Variants in CCDC146 observed in about 807,000 individuals in gnomAD.
The protein encoded by CCDC146 is coiled-coil domain containing 146, also known as coiled-coil domain-containing protein 146.
In CCDC146, 92 loss-of-function variants were observed where a neutral mutation model predicts 119.3. The observed-to-expected ratio is 0.77, with a 90% CI of 0.65 to 0.92. The LOEUF (loss-of-function observed/expected upper bound fraction) is 0.92, where lower values mean the gene tolerates loss of function less well. Ranked by LOEUF, CCDC146 falls within the 40% of genes least tolerant of loss-of-function variation. The probability of loss-of-function intolerance (pLI) is 0.00; values close to 1 mark genes in which losing one functional copy is unlikely to be tolerated. For synonymous variants in CCDC146, 372 were observed against 371.8 expected (o/e 1.00, Z -0.01); for missense variants, 1,000 against 1,103.0 (o/e 0.91, Z 1.32).
chr7:77,163,844 T>C (rs545198999), intron 1 of CCDC146, among the ~76,000 whole-genome samples: 3 of 142,152 alleles, frequency 2.1e-5, no homozygotes, highest in Non-Finnish European at 4.5e-5. Context: ...TTTTTCTTTC[T>C]TTCTTTCTTT....
chr7:77,266,709 T>C, intron 9 of CCDC146, among the ~76,000 whole-genome samples: 1 of 125,920 alleles, frequency 7.9e-6, no homozygotes, highest in East Asian at 5.9e-4. Flanking sequence ...ATTACCTAAA[T>C]GACTGCAGCT....
chr7:77,192,978 T>A (rs1791799104), intron 2 of CCDC146, among the ~76,000 whole-genome samples: 1 of 151,946 alleles, frequency 6.6e-6, no homozygotes, highest in Admixed American at 6.6e-5. Context: ...TGTTGAAAGT[T>A]TTTTAAGCAG....
At chr7:77,199,148 G>A in intron 2 of CCDC146, 2 of 1,568,702 alleles carry the variant, frequency 1.3e-6, no homozygotes, top group Non-Finnish European at 1.7e-6. Flanking sequence ...TAACATTTAT[G>A]AACATATGAT....
chr7:77,211,575 AG>A (rs965658213), intron 2 of CCDC146, among the ~76,000 whole-genome samples: 18 of 151,788 alleles, frequency 1.2e-4, no homozygotes, highest in African/African-American at 4.4e-4. Flanking sequence ...GCTTTGTTAC[AG>A]GGTTTGTGCT....
At chr7:77,169,796 G>A (rs1791393428) in intron 2 of CCDC146, among the ~76,000 whole-genome samples, 1 of 151,822 alleles carries the variant, frequency 6.6e-6, no homozygotes, top group African/African-American at 2.4e-5. Flanking sequence ...TTTTGCTCCA[G>A]CCCTAGAATC....
At chr7:77,233,500 G>A (rs116326787) in intron 2 of CCDC146, among the ~76,000 whole-genome samples, 1,935 of 82,930 alleles carry the variant, frequency 0.023, 44 homozygotes, top group African/African-American at 0.093. Context: ...TTACTTATTT[G>A]CTTTAAATCA....
At chr7:77,257,398 T>C (rs1793201513) in intron 6 of CCDC146, 1 of 152,166 alleles carries the variant, frequency 6.6e-6, no homozygotes, top group South Asian at 2.1e-4. Flanking sequence ...ATAATGGTGA[T>C]ACACTTTGAC....
At chr7:77,146,070 A>T (rs934257997) in intron 1 of CCDC146, among the ~76,000 whole-genome samples, 1 of 150,786 alleles carries the variant, frequency 6.6e-6, no homozygotes, top group African/African-American at 2.5e-5. Context: ...TTTGTAGGTC[A>T]CTCAGGACTT....
chr7:77,230,656 T>G (rs554446363), intron 2 of CCDC146, among the ~76,000 whole-genome samples: 1 of 152,164 alleles, frequency 6.6e-6, no homozygotes, highest in Non-Finnish European at 1.5e-5. Flanking sequence ...GCTTTGGAGA[T>G]TTATCTTTAT....
chr7:77,294,524 T>A, intron 18 of CCDC146, 139 bp from the exon 19 acceptor site: 19 of 542,444 alleles, frequency 3.5e-5, no homozygotes, highest in East Asian at 1.1e-4. Flanking sequence ...TCTACCCTCC[T>A]ACCCCTCCCA....
intron 17 of CCDC146, among the ~76,000 whole-genome samples, chr7:77,287,978 A>G (rs2150554615): frequency 6.6e-6 from 1 of 152,328 alleles, no homozygotes; most frequent in East Asian, 1.9e-4. Flanking sequence ...AGAAATTGAA[A>G]GGGACTGATA....
At chr7:77,232,659 A>C (rs530653772) in intron 2 of CCDC146, among the ~76,000 whole-genome samples, 1 of 152,270 alleles carries the variant, frequency 6.6e-6, no homozygotes, top group Admixed American at 6.5e-5. Context: ...GGAGCTGGGG[A>C]TATGGGGAAC....
chr7:77,265,384 T>C (rs1215088039), intron 9 of CCDC146, among the ~76,000 whole-genome samples: 1 of 152,200 alleles, frequency 6.6e-6, no homozygotes, highest in Non-Finnish European at 1.5e-5. Context: ...GTAGTTATGG[T>C]AGTAAGTAAA....
At chr7:77,188,067 G>C (rs562713011) in intron 2 of CCDC146, among the ~76,000 whole-genome samples, 1 of 152,256 alleles carries the variant, frequency 6.6e-6, no homozygotes, top group East Asian at 1.9e-4. Context: ...CCTCGCTTCC[G>C]ATTCCTGTAC....
intron 2 of CCDC146, among the ~76,000 whole-genome samples, chr7:77,187,923 C>A (rs1011091983): frequency 6.6e-6 from 1 of 152,174 alleles, no homozygotes; most frequent in African/African-American, 2.4e-5. Context: ...ATAGCATAGA[C>A]CCGTAACAAT....
At chr7:77,208,470 T>C (rs1792120061) in intron 2 of CCDC146, among the ~76,000 whole-genome samples, 1 of 152,326 alleles carries the variant, frequency 6.6e-6, no homozygotes, top group East Asian at 1.9e-4. Flanking sequence ...CACAATGGTA[T>C]TTGTGTATCT....
intron 2 of CCDC146, among the ~76,000 whole-genome samples, chr7:77,230,319 G>A (rs528667813): frequency 2.6e-5 from 4 of 152,080 alleles, no homozygotes; most frequent in South Asian, 4.1e-4. Flanking sequence ...GCTTTTTCAC[G>A]TGGATTTGAG....
intron 4 of CCDC146, among the ~76,000 whole-genome samples, chr7:77,243,765 C>G (rs1792893591): frequency 6.6e-6 from 1 of 152,182 alleles, no homozygotes; most frequent in Non-Finnish European, 1.5e-5. Flanking sequence ...GAGATAACAG[C>G]TCCTAAATAC....
intron 2 of CCDC146, among the ~76,000 whole-genome samples, chr7:77,197,220 C>A (rs1035391281): frequency 2.3e-4 from 35 of 152,170 alleles, no homozygotes; most frequent in African/African-American, 8.4e-4. Context: ...ATGACAGCAT[C>A]AACAGCAAAC....
Sources: allele counts gnomAD v4.1 joint callset (sites outside exome capture counted in the v4.1 genomes callset), GRCh38; gene constraint gnomAD v4.1.1; transcripts MANE v1.5; gene names NCBI Gene and HGNC (gene_info 2026-07-23, HGNC 2026-07-21).